KIF4A: variants seen among roughly 807,000 people sequenced by gnomAD.
The protein encoded by KIF4A is kinesin family member 4A.
In KIF4A, 7 loss-of-function variants were observed where a neutral mutation model predicts 105.9. The observed-to-expected ratio is 0.07, with a 90% CI of 0.04 to 0.12. The LOEUF (loss-of-function observed/expected upper bound fraction) is 0.12. Among genes scored for constraint, KIF4A ranks in the 10% least tolerant of loss-of-function variants. The probability of loss-of-function intolerance (pLI) is 1.00; values close to 1 mark genes in which losing one functional copy is unlikely to be tolerated. For synonymous variants in KIF4A, 281 were observed against 331.3 expected, an observed-to-expected ratio of 0.85 and a Z score of 1.65; for missense variants, 558 against 929.2, an observed-to-expected ratio of 0.60 and a Z score of 5.19.
At chrX:70,395,146 T>G (rs1439372985) in intron 20 of KIF4A, among the ~76,000 whole-genome samples, 1 of 111,710 alleles carries the variant, frequency 9.0e-6, no homozygotes, top group East Asian at 2.8e-4. Context: ...CTTGGGTGGC[T>G]GAGGCACAAG....
intron 20 of KIF4A, among the ~76,000 whole-genome samples, chrX:70,388,863 C>CA (rs1468876436): frequency 1.6e-4 from 18 of 112,239 alleles, no homozygotes; most frequent in Non-Finnish European, 2.8e-4. Context: ...CAATTTGTAA[C>CA]AGTGTCTTTT....
intron 15 of KIF4A, among the ~76,000 whole-genome samples, chrX:70,361,887 C>T (rs944014563): frequency 1.8e-5 from 2 of 111,934 alleles, no homozygotes; most frequent in African/African-American, 6.5e-5. Context: ...ATTCTGGCTC[C>T]GGAAGCTGAG....
intron 7 of KIF4A, 34 bp downstream of exon 7, chrX:70,302,432 A>C: frequency 1.7e-6 from 2 of 1,163,224 alleles, no homozygotes; most frequent in African/African-American, 3.5e-5. Context: ...GTTGTAGATT[A>C]AAAACTTCTA....
chrX:70,350,389 G>A (rs2086024718), intron 13 of KIF4A, among the ~76,000 whole-genome samples: 1 of 111,861 alleles, frequency 8.9e-6, no homozygotes, highest in Non-Finnish European at 1.9e-5. Flanking sequence ...GCAGGCCGAG[G>A]CAGGAGAATC....
chrX:70,375,095 T>C (rs984012758), intron 16 of KIF4A, 109 bp from the exon 17 acceptor site: 1 of 859,125 alleles, frequency 1.2e-6, no homozygotes, highest in East Asian at 3.3e-5. Flanking sequence ...ATGTGACTAG[T>C]CACCTATTTT....
rs755210971 is a variant in KIF4A at position 70,293,059 on chromosome X, CTG to C, written c.235+2257_235+2258del. 2.2e-3 allele frequency among the ~76,000 whole-genome samples: 252 copies of C among 112,060 alleles called. 1 individual carries two copies. Among genetic ancestry groups the C allele is most frequent in the Non-Finnish European group, 4.0e-3 (215 of 53,204 alleles). On this transcript the variant is annotated intron_variant, in intron 3 of 30. Transcript: ENST00000374403. ...CCAAGTTATTGCTATCTGCACATAT[CTG>C]TGGTATTGCAGAAAATTATGGAATG...
chrX:70,357,396 C>A (rs891674773), intron 15 of KIF4A, among the ~76,000 whole-genome samples: 7 of 112,340 alleles, frequency 6.2e-5, no homozygotes, highest in African/African-American at 1.9e-4. Context: ...CCATTTCTTT[C>A]CTGAAAACAA....
chrX:70,298,528 C>T (rs2085792627), intron 4 of KIF4A, among the ~76,000 whole-genome samples: 2 of 111,680 alleles, frequency 1.8e-5, no homozygotes, highest in South Asian at 7.6e-4. Context: ...TGACTGTGCT[C>T]AGCTAGATTA....
At chrX:70,384,948 TGCCACCA>T (rs925280311) in intron 18 of KIF4A, among the ~76,000 whole-genome samples, 2 of 107,779 alleles carry the variant, frequency 1.9e-5, no homozygotes, top group African/African-American at 6.8e-5. Context: ...TACAGGCGCA[TGCCACCA>T]TGCCTGGCAA....
intron 13 of KIF4A, among the ~76,000 whole-genome samples, chrX:70,348,458 G>A (rs1412054294): frequency 1.8e-5 from 2 of 111,227 alleles, no homozygotes; most frequent in Non-Finnish European, 3.8e-5. Context: ...AGATAAACAC[G>A]TGAACAAAGG....
chrX:70,309,637 C>T lies in KIF4A; in HGVS notation c.778+7239C>T, dbSNP rs186307136. Among the ~76,000 whole-genome samples, 100 of 112,240 alleles carry T rather than the reference C, an allele frequency of 8.9e-4. 1 individual carries two copies. Among genetic ancestry groups the T allele is most frequent in the African/African-American group, 3.1e-3 (97 of 31,002 alleles). On this transcript the variant is annotated intron_variant, in intron 7 of 30. Coordinates refer to ENST00000374403, the MANE Select transcript of KIF4A (RefSeq NM_012310.5). The stretch of plus-strand genomic sequence containing the variant: ...TTGTAAATGTTTAAAGTAGACAGTG[C>T]GATACTTTGATATATGCATAAATTG...
chrX:70,317,627 C>T (rs1166766666), intron 7 of KIF4A, among the ~76,000 whole-genome samples: 14 of 105,754 alleles, frequency 1.3e-4, no homozygotes, highest in African/African-American at 4.9e-4. Context: ...TCACTACAGC[C>T]TCAACCTCCT....
intron 29 of KIF4A, 112 bp from the exon 30 acceptor site, chrX:70,419,549 C>T: frequency 1.1e-6 from 1 of 941,782 alleles, no homozygotes; most frequent in Non-Finnish European, 1.5e-6. Context: ...AGACTTGCTT[C>T]AGCTGACTAA....
intron 7 of KIF4A, among the ~76,000 whole-genome samples, chrX:70,306,573 G>A (rs1160833103): frequency 9.0e-6 from 1 of 110,747 alleles, no homozygotes; most frequent in Non-Finnish European, 1.9e-5. Context: ...ATCTCACTCT[G>A]TTGCCCAGGC....
At chrX:70,397,166 C>T (rs1451656827) in intron 22 of KIF4A, among the ~76,000 whole-genome samples, 1 of 110,926 alleles carries the variant, frequency 9.0e-6, no homozygotes, top group African/African-American at 3.3e-5. Flanking sequence ...GTCAGGAGAT[C>T]GAGACCATCC....
intron 15 of KIF4A, among the ~76,000 whole-genome samples, chrX:70,355,333 T>G (rs2086046789): frequency 8.9e-6 from 1 of 111,785 alleles, no homozygotes; most frequent in Admixed American, 9.5e-5. Context: ...CTACCTGTTC[T>G]TGGTCTAGAC....
At chrX:70,376,947 A>C (rs1293571831) in intron 18 of KIF4A, among the ~76,000 whole-genome samples, 2 of 112,203 alleles carry the variant, frequency 1.8e-5, no homozygotes, top group Non-Finnish European at 3.8e-5. Flanking sequence ...CAGAAGAATT[A>C]TAAGGGCCTG....
intron 7 of KIF4A, among the ~76,000 whole-genome samples, chrX:70,312,004 A>G (rs1246377804): frequency 9.2e-6 from 1 of 109,035 alleles, no homozygotes; most frequent in East Asian, 2.8e-4. Flanking sequence ...AATTAAATTA[A>G]CAATAATACT....
intron 7 of KIF4A, among the ~76,000 whole-genome samples, chrX:70,318,280 T>C (rs776492431): frequency 3.6e-4 from 40 of 112,343 alleles, no homozygotes; most frequent in Non-Finnish European, 5.6e-4. Flanking sequence ...AATTATACTG[T>C]TTATAATCTG....
Sources: allele counts gnomAD v4.1 joint callset (sites outside exome capture counted in the v4.1 genomes callset), GRCh38; gene constraint gnomAD v4.1.1; transcripts MANE v1.5; gene names NCBI Gene and HGNC (gene_info 2026-07-23, HGNC 2026-07-21).